Variants in TENM2 observed in about 807,000 individuals in gnomAD.
TENM2 encodes teneurin transmembrane protein 2.
In TENM2, 52 loss-of-function variants were observed where a neutral mutation model predicts 245.2. The observed-to-expected ratio is 0.21, with a 90% CI of 0.17 to 0.27. The LOEUF (loss-of-function observed/expected upper bound fraction) is 0.27. Among genes scored for constraint, TENM2 ranks in the 10% least tolerant of loss-of-function variants. The pLI is 1.00. For synonymous variants in TENM2, 1,363 were observed against 1,438.9 expected (o/e 0.95, Z 1.19); for missense variants, 3,046 against 3,666.8 (o/e 0.83, Z 4.37).
chr5:167,520,524 A>C (rs1341528515), intron 2 of TENM2, among the ~76,000 whole-genome samples: 2 of 152,078 alleles, frequency 1.3e-5, no homozygotes, highest in Non-Finnish European at 2.9e-5. Flanking sequence ...AAACCAGTGA[A>C]GATTTGGTCC....
At position 167,573,500 on chromosome 5, in the gene TENM2, GTCTC is replaced by G. The variant is rs772318555; in HGVS notation, c.502+198044_502+198047del. The stretch of plus-strand genomic sequence containing the variant: ...CCGCTCTCTTTTCTTGATGTTCTCT[GTCTC>G]TCTCTCTCTCTCTCTCCCCCTCTCC... On this transcript the variant is annotated intron_variant, in intron 2 of 28. Coordinates refer to ENST00000518659, the Ensembl canonical transcript of TENM2. Among the ~76,000 whole-genome samples, 20 of 133,772 alleles carry G rather than the reference GTCTC, an allele frequency of 1.5e-4. No individual in the cohort carries two copies. In the South Asian group the frequency reaches 3.6e-3, roughly 24 times the overall value. 87.8% of individuals were successfully genotyped at this position (133,772 alleles called of 152,430 possible).
chr5:167,595,046 G>A (rs1776110722), intron 2 of TENM2, among the ~76,000 whole-genome samples: 1 of 152,160 alleles, frequency 6.6e-6, no homozygotes, highest in Non-Finnish European at 1.5e-5. Context: ...GCAAAATCAA[G>A]CAGCCCTTTC....
rs891837646 is a variant in TENM2, at chr5:167,449,539, G to T, written c.502+74066G>T. 2.6e-5 allele frequency among the ~76,000 whole-genome samples: 4 copies of T among 151,454 alleles called. No homozygotes were observed. In the East Asian group the frequency reaches 7.8e-4, roughly 29 times the overall value. ...AGATAGATAGATAGATAGATAGATA[G>T]ATAGATAGATAGATAGATAGATAGA... is the stretch of plus-strand genomic sequence containing the variant. On this transcript the variant is annotated intron_variant, in intron 2 of 28. Coordinates refer to ENST00000518659, the Ensembl canonical transcript of TENM2.
the TENM2 span, among the ~76,000 whole-genome samples, chr5:166,998,853 A>C: frequency 6.6e-6 from 1 of 152,084 alleles, no homozygotes; most frequent in South Asian, 2.1e-4. Context: ...TTAGAAATAC[A>C]TATGCTAGAT....
At chr5:168,047,282 C>T (rs1788688342) in intron 5 of TENM2, 145 bp from the exon 8 acceptor site, 4 of 827,566 alleles carry the variant, frequency 4.8e-6, no homozygotes, top group South Asian at 3.3e-5. Context: ...CTGTATTTAG[C>T]TAATCCCTGT....
intron 2 of TENM2, among the ~76,000 whole-genome samples, chr5:167,863,484 C>G (rs529066135): frequency 2.3e-4 from 35 of 151,426 alleles, no homozygotes; most frequent in African/African-American, 7.3e-4. Context: ...CACACACACA[C>G]ACACACAAAA....
intron 3 of TENM2, among the ~76,000 whole-genome samples, chr5:167,892,667 A>G (rs552627517): frequency 1.3e-5 from 2 of 152,268 alleles, no homozygotes; most frequent in South Asian, 4.1e-4. Flanking sequence ...AGGCTTGGGG[A>G]AAAGTTGGAA....
chr5:167,844,146 A>G (rs985266513), intron 2 of TENM2, among the ~76,000 whole-genome samples: 7 of 151,544 alleles, frequency 4.6e-5, no homozygotes, highest in South Asian at 2.1e-4. Context: ...AACCAGTGGG[A>G]AAAAAAAGTA....
At chr5:167,024,965 T>A in the TENM2 span, among the ~76,000 whole-genome samples, 1 of 152,180 alleles carries the variant, frequency 6.6e-6, no homozygotes, top group African/African-American at 2.4e-5. Context: ...CACTGAGACA[T>A]CTTTTAAAAA....
intron 2 of TENM2, among the ~76,000 whole-genome samples, chr5:167,506,604 G>T (rs1401746850): frequency 2.0e-5 from 3 of 152,100 alleles, no homozygotes; most frequent in African/African-American, 7.2e-5. Context: ...TGCTGGCATA[G>T]AATTCATTTG....
chr5:167,954,682 G>T (rs984349098), intron 4 of TENM2, among the ~76,000 whole-genome samples: 1 of 151,980 alleles, frequency 6.6e-6, no homozygotes, highest in Non-Finnish European at 1.5e-5. Context: ...TGTTCTTATT[G>T]TTCAGCTCCC....
At chr5:167,239,601 C>T in the TENM2 span, among the ~76,000 whole-genome samples, 6 of 152,166 alleles carry the variant, frequency 3.9e-5, no homozygotes, top group African/African-American at 1.4e-4. Context: ...TACTAGACTT[C>T]CTCCCCCACT....
In TENM2 at chr5:167,391,647, A is replaced by AAAAAAT. The variant is rs70976420; in HGVS notation, c.502+16174_502+16175insAAAAAT. Among the ~76,000 whole-genome samples the AAAAAAT allele has an allele frequency of 1.8e-4, 23 of 126,866 alleles. 5 individuals carry two copies. The highest frequency in any genetic ancestry group is 1.6e-4 in the Admixed American group (2 of 12,176). 83.2% of individuals were successfully genotyped at this position (126,866 alleles called of 152,430 possible). A position where few individuals can be genotyped will look rare whatever the true frequency, so the allele number is the denominator to read the frequency against. On this transcript the variant is annotated intron_variant, in intron 2 of 28. Transcript: ENST00000518659. ...CAAAAAAAAAAAAAAAAAAAAAAAA[A>AAAAAAT]GCACTCTCAAGGATTTCTAACTTTA...
intron 17 of TENM2, among the ~76,000 whole-genome samples, chr5:168,201,326 A>C (rs1356587005): frequency 6.6e-6 from 1 of 151,996 alleles, no homozygotes; most frequent in Non-Finnish European, 1.5e-5. Context: ...ATACAGATAT[A>C]TATATGTATA....
chr5:168,136,985 C>G (rs1044608059), intron 12 of TENM2, among the ~76,000 whole-genome samples: 6 of 152,320 alleles, frequency 3.9e-5, no homozygotes, highest in Middle Eastern at 6.8e-3. Flanking sequence ...TACATATCCC[C>G]TAGACTCCAG....
chr5:167,198,417 G>A, the TENM2 span, among the ~76,000 whole-genome samples: 1 of 152,072 alleles, frequency 6.6e-6, no homozygotes, highest in Non-Finnish European at 1.5e-5. Context: ...TACAACTTCT[G>A]ATCTAGGTGT....
chr5:168,141,600 T>A (rs1190224961), intron 12 of TENM2, among the ~76,000 whole-genome samples: 1 of 152,212 alleles, frequency 6.6e-6, no homozygotes, highest in Non-Finnish European at 1.5e-5. Context: ...AACAAGGAAT[T>A]GATTAAGCAT....
intron 2 of TENM2, among the ~76,000 whole-genome samples, chr5:167,424,682 A>G (rs1763706082): frequency 6.6e-6 from 1 of 152,286 alleles, no homozygotes; most frequent in Admixed American, 6.5e-5. Context: ...ATGTAAAATT[A>G]CATCTTGTTT....
chr5:168,226,222 C>G (rs1764169211), exon 24 of TENM2: 1 of 1,613,420 alleles, frequency 6.2e-7, no homozygotes, highest in Non-Finnish European at 8.5e-7. Flanking sequence ...ACTGTCATCA[C>G]CAACCTCTCT....
Sources: gnomAD v4.1 joint callset for allele counts (sites outside exome capture counted in the v4.1 genomes callset) on GRCh38, gnomAD v4.1.1 for gene constraint, MANE v1.5 for transcripts, NCBI Gene and HGNC (gene_info 2026-07-23, HGNC 2026-07-21) for gene names.